Variants in ZNF331 observed in about 807,000 individuals in gnomAD.
The protein encoded by ZNF331 is zinc finger protein 331.
A neutral mutation model predicts 7.0 loss-of-function variants in ZNF331; 2 were observed. That is an observed-to-expected ratio of 0.29 (90% CI 0.12 to 0.90). The LOEUF is 0.90. ZNF331 is among the 40% of genes least tolerant of loss of function. ZNF331 has a pLI of 0.58. For synonymous variants in ZNF331, 196 were observed against 205.4 expected, an observed-to-expected ratio of 0.95 and a Z score of 0.39; for missense variants, 432 against 587.7, an observed-to-expected ratio of 0.74 and a Z score of 2.74.
intron 3 of ZNF331, among the ~76,000 whole-genome samples, chr19:53,564,573 G>A (rs981027998): frequency 6.6e-6 from 1 of 152,184 alleles, no homozygotes; most frequent in Non-Finnish European, 1.5e-5. Flanking sequence ...GAGCCACTGT[G>A]CCCGGACTAT....
chr19:53,576,854 G>A lies in ZNF331; in HGVS notation c.294G>A (p.Arg98=). Residue 98 remains arginine (R), a synonymous_variant, in exon 6 of 6, where the codon AGG becomes AGA. Coordinates refer to ENST00000449416, the MANE Select transcript of ZNF331 (RefSeq NM_001079906.2). ...AAAGACCACAGCGCTCCAGAGGGAG[G>A]TATGTCAATCAGATGATCATCAATT... is the stretch of plus-strand genomic sequence containing the variant. ...TLERPQRSRG[R]YVNQMIINYV... 1 of 1,614,126 alleles carries A rather than the reference G, an allele frequency of 6.2e-7. No homozygotes were observed. Among genetic ancestry groups the A allele is most frequent in the Non-Finnish European group, 8.5e-7 (1 of 1,180,038 alleles).
chr19:53,570,507 AAAC>A (rs554252553), intron 4 of ZNF331, among the ~76,000 whole-genome samples: 9 of 152,296 alleles, frequency 5.9e-5, no homozygotes, highest in Admixed American at 2.0e-4. Flanking sequence ...GGAGGCTTGA[AAAC>A]ATTCAAACAT....
At chr19:53,520,683 G>A (rs1373962791), upstream of ZNF331, among the ~76,000 whole-genome samples, 1 of 152,252 alleles carries the variant, frequency 6.6e-6, no homozygotes, top group African/African-American at 2.4e-5. Context: ...ATTTCCCAGA[G>A]GTCTCTGGGG....
chr19:53,524,573 T>G (rs1295912474), intron 2 of ZNF331, among the ~76,000 whole-genome samples: 4 of 152,392 alleles, frequency 2.6e-5, no homozygotes, highest in Non-Finnish European at 1.5e-5. Flanking sequence ...TTTTGAGAAG[T>G]GTCTGTTCAT....
chr19:53,559,704 T>G (rs1209214807), intron 3 of ZNF331, among the ~76,000 whole-genome samples: 1 of 142,970 alleles, frequency 7.0e-6, no homozygotes, highest in Non-Finnish European at 1.5e-5. Flanking sequence ...ACACCCCATA[T>G]ATACACAGAT....
chr19:53,527,172 A>G (rs1198087971), intron 2 of ZNF331, among the ~76,000 whole-genome samples: 1 of 152,042 alleles, frequency 6.6e-6, no homozygotes, highest in Non-Finnish European at 1.5e-5. Flanking sequence ...GCGAGACTCC[A>G]TCTTAAAAAA....
intron 2 of ZNF331, among the ~76,000 whole-genome samples, chr19:53,550,192 A>G (rs1033396158): frequency 1.3e-5 from 2 of 152,220 alleles, no homozygotes; most frequent in Non-Finnish European, 2.9e-5. Context: ...ACTTGAGAAG[A>G]ATGTACATGC....
chr19:53,526,653 C>T (rs187027125), intron 2 of ZNF331, among the ~76,000 whole-genome samples: 67 of 151,650 alleles, frequency 4.4e-4, no homozygotes, highest in East Asian at 4.2e-3. Flanking sequence ...CCCAGGTTCA[C>T]GCCATTCTCC....
intron 3 of ZNF331, among the ~76,000 whole-genome samples, chr19:53,563,157 A>G (rs939392228): frequency 1.6e-5 from 2 of 127,194 alleles, no homozygotes; most frequent in African/African-American, 6.1e-5. Context: ...GCGTGATCTC[A>G]GCTCACTGCA....
chr19:53,510,385 G>A, the ZNF331 span, among the ~76,000 whole-genome samples: 1 of 151,594 alleles, frequency 6.6e-6, no homozygotes. Context: ...AGAAATCTCA[G>A]AAGGCCCAGC....
chr19:53,544,097 T>C (rs368767530), intron 2 of ZNF331, among the ~76,000 whole-genome samples: 14 of 150,572 alleles, frequency 9.3e-5, no homozygotes, highest in African/African-American at 2.9e-4. Flanking sequence ...CGTGGTGGCA[T>C]GCACCTGTAG....
chr19:53,549,733 A>G (rs1168818686), intron 2 of ZNF331, among the ~76,000 whole-genome samples: 3 of 150,722 alleles, frequency 2.0e-5, no homozygotes, highest in Non-Finnish European at 4.4e-5. Flanking sequence ...ATCTTTTCAT[A>G]TTGTTTTCCA....
chr19:53,534,912 A>G (rs1232801722), upstream of ZNF331, among the ~76,000 whole-genome samples: 1 of 151,430 alleles, frequency 6.6e-6, no homozygotes, highest in Non-Finnish European at 1.5e-5. Flanking sequence ...GCTAGAATGT[A>G]CCCACTCCCC....
chr19:53,510,454 T>C, the ZNF331 span, among the ~76,000 whole-genome samples: 3 of 150,368 alleles, frequency 2.0e-5, no homozygotes, highest in African/African-American at 7.4e-5. Flanking sequence ...TTTTTTGCCA[T>C]GTAGCTTTAT....
chr19:53,549,061 C>T (rs2088812637), intron 2 of ZNF331, among the ~76,000 whole-genome samples: 1 of 152,050 alleles, frequency 6.6e-6, no homozygotes, highest in Non-Finnish European at 1.5e-5. Context: ...GTTGGCCAGG[C>T]AGGTCTTAAA....
chr19:53,514,686 T>TGC (rs1454222255), upstream of ZNF331, among the ~76,000 whole-genome samples: 2 of 72,806 alleles, frequency 2.7e-5, no homozygotes, highest in African/African-American at 1.1e-4. Context: ...AGTTTCACAC[T>TGC]GTCGCCCAGG....
upstream of ZNF331, among the ~76,000 whole-genome samples, chr19:53,520,085 T>C (rs142022696): frequency 6.6e-5 from 10 of 152,202 alleles, no homozygotes; most frequent in East Asian, 1.9e-3. Flanking sequence ...TTCACTCTTA[T>C]CGCCCAGGCT....
At chr19:53,540,842 A>ATTGGCCT (rs1215787812) in intron 2 of ZNF331, among the ~76,000 whole-genome samples, 1 of 152,158 alleles carries the variant, frequency 6.6e-6, no homozygotes, top group Non-Finnish European at 1.5e-5. Flanking sequence ...AGACAGGCCA[A>ATTGGCCT]GTCCCTTTTC....
At chr19:53,553,979 C>G (rs962963314) in intron 2 of ZNF331, among the ~76,000 whole-genome samples, 3 of 152,192 alleles carry the variant, frequency 2.0e-5, no homozygotes, top group African/African-American at 7.2e-5. Context: ...CTGCCTGGGA[C>G]CGGCCCAGAC....
Sources: allele counts gnomAD v4.1 joint callset (sites outside exome capture counted in the v4.1 genomes callset), GRCh38; gene constraint gnomAD v4.1.1; transcripts MANE v1.5; gene names NCBI Gene and HGNC (gene_info 2026-07-23, HGNC 2026-07-21).